Variants in WASF1 observed in about 807,000 individuals in gnomAD.
The protein encoded by WASF1 is actin-binding protein WASF1.
In WASF1, 7 loss-of-function variants were observed where a neutral mutation model predicts 50.5. The observed-to-expected ratio is 0.14, with a 90% confidence interval of 0.08 to 0.26. The LOEUF is 0.26. WASF1 is among the 10% of genes least tolerant of loss of function. The probability of loss-of-function intolerance (pLI) is 1.00; values close to 1 mark genes in which losing one functional copy is unlikely to be tolerated. For synonymous variants in WASF1, 205 were observed against 244.0 expected, an observed-to-expected ratio of 0.84 and a Z score of 1.49; for missense variants, 470 against 694.7, an observed-to-expected ratio of 0.68 and a Z score of 3.64.
At chr6:110,133,911 G>T (rs1350550488) in intron 3 of WASF1, among the ~76,000 whole-genome samples, 1 of 152,046 alleles carries the variant, frequency 6.6e-6, no homozygotes, top group Admixed American at 6.6e-5. Flanking sequence ...TTGTTTTTGG[G>T]TTCTTGGTCA....
At chr6:110,168,923 T>C (rs937341720) in intron 2 of WASF1, among the ~76,000 whole-genome samples, 1 of 152,090 alleles carries the variant, frequency 6.6e-6, no homozygotes, top group African/African-American at 2.4e-5. Flanking sequence ...AACACACTTT[T>C]GCTTTGCTTC....
chr6:110,113,465 G>A lies in WASF1; in HGVS notation c.134-5C>T. The A allele has an allele frequency of 6.3e-7, 1 of 1,580,286 alleles. No individual in the cohort carries two copies. Among genetic ancestry groups the A allele is most frequent in the Admixed American group, 1.9e-5 (1 of 53,054 alleles). On this transcript the variant is annotated splice_region_variant and splice_polypyrimidine_tract_variant and intron_variant, in intron 4 of 10. Coordinates refer to ENST00000392589, the MANE Select transcript of WASF1 (RefSeq NM_003931.3). ...ATATATCTTCAGCATATTTACCTAA[G>A]CAAAAATGACACATATATCATAAAA...
intron 3 of WASF1, among the ~76,000 whole-genome samples, chr6:110,133,673 G>A (rs1030526149): frequency 1.3e-5 from 2 of 151,994 alleles, no homozygotes; most frequent in Non-Finnish European, 2.9e-5. Flanking sequence ...TTGGCCACTC[G>A]TATATCTTCT....
chr6:110,159,289 G>A (rs1281237771), intron 3 of WASF1, among the ~76,000 whole-genome samples: 1 of 151,704 alleles, frequency 6.6e-6, no homozygotes, highest in South Asian at 2.1e-4. Context: ...CCTGCATTTG[G>A]AAAAAACACA....
At chr6:110,119,373 C>T (rs1432839907) in intron 4 of WASF1, among the ~76,000 whole-genome samples, 2 of 151,972 alleles carry the variant, frequency 1.3e-5, no homozygotes, top group African/African-American at 2.4e-5. Flanking sequence ...TGCCAATCCC[C>T]CAGAAATACA....
At chr6:110,140,462 T>TG (rs1775176781) in intron 3 of WASF1, among the ~76,000 whole-genome samples, 1 of 152,056 alleles carries the variant, frequency 6.6e-6, no homozygotes, top group Non-Finnish European at 1.5e-5. Flanking sequence ...CAACTTGAAG[T>TG]GGGTAGGAAC....
chr6:110,165,091 G>A (rs1037112821), intron 2 of WASF1, among the ~76,000 whole-genome samples: 18 of 151,518 alleles, frequency 1.2e-4, no homozygotes, highest in Non-Finnish European at 2.2e-4. Context: ...AAACTATTCT[G>A]TATCATACTA....
intron 9 of WASF1, 68 bp downstream of exon 9, chr6:110,103,310 A>C (rs1018494280): frequency 1.3e-6 from 2 of 1,530,078 alleles, no homozygotes; most frequent in Admixed American, 3.8e-5. Context: ...AATACTTACT[A>C]TATCGTCCTT....
intron 4 of WASF1, among the ~76,000 whole-genome samples, chr6:110,124,977 T>C (rs140511911): frequency 1.1e-4 from 17 of 152,294 alleles, no homozygotes; most frequent in Non-Finnish European, 2.1e-4. Context: ...CCCTGAGCCA[T>C]GTGGATCCCT....
intron 2 of WASF1, among the ~76,000 whole-genome samples, chr6:110,163,278 G>T (rs969406777): frequency 1.3e-5 from 2 of 151,588 alleles, no homozygotes; most frequent in African/African-American, 2.4e-5. Flanking sequence ...CTTATTTGGG[G>T]CTGCTATAAT....
chr6:110,163,455 A>T (rs1402443504), intron 2 of WASF1, among the ~76,000 whole-genome samples: 1 of 151,438 alleles, frequency 6.6e-6, no homozygotes, highest in African/African-American at 2.4e-5. Context: ...AAAGCTCGAG[A>T]GAGTGCTATG....
rs561226826 is a variant in WASF1, at chr6:110,108,700, A to T, written c.269-19T>A. The stretch of plus-strand genomic sequence containing the variant: ...AAAGACACTAAAACAAAAATCAAGA[A>T]TTCATTTTATTTTATTTTACTAAGA... On this transcript the variant is annotated intron_variant, in intron 5 of 10. Coordinates refer to ENST00000392589, the MANE Select transcript of WASF1 (RefSeq NM_003931.3). The T allele has an allele frequency of 1.4e-5, 23 of 1,600,600 alleles. 1 individual carries two copies. The South Asian group carries it at 2.4e-4, about 17-fold the overall frequency.
At chr6:110,178,521 A>T (rs1777033723) in intron 2 of WASF1, 77 bp downstream of exon 2, 1 of 152,638 alleles carries the variant, frequency 6.6e-6, no homozygotes, top group Non-Finnish European at 1.5e-5. Flanking sequence ...AACACCAAAG[A>T]AAAAATTTAA....
At chr6:110,116,179 T>C (rs533827420) in intron 4 of WASF1, among the ~76,000 whole-genome samples, 12 of 152,178 alleles carry the variant, frequency 7.9e-5, no homozygotes, top group African/African-American at 2.6e-4. Context: ...TTAGGACTGG[T>C]TGGACAGTGG....
At chr6:110,113,500 C>A in intron 4 of WASF1, 40 bp from the exon 5 acceptor site, 1 of 1,529,486 alleles carries the variant, frequency 6.5e-7, no homozygotes, top group Admixed American at 2.1e-5. Flanking sequence ...ATTTAACATC[C>A]AGAGCACTGA....
chr6:110,123,629 A>C (rs1266552855), intron 4 of WASF1, among the ~76,000 whole-genome samples: 1 of 152,232 alleles, frequency 6.6e-6, no homozygotes, highest in East Asian at 1.9e-4. Context: ...CCTCATACAG[A>C]GGAGCCCAAT....
chr6:110,142,782 A>G (rs1341223787), intron 3 of WASF1, among the ~76,000 whole-genome samples: 1 of 152,084 alleles, frequency 6.6e-6, no homozygotes, highest in Non-Finnish European at 1.5e-5. Flanking sequence ...AATTACATAT[A>G]ATTTAACATC....
At chr6:110,103,290 G>C in intron 9 of WASF1, 88 bp downstream of exon 9, 5 of 1,459,720 alleles carry the variant, frequency 3.4e-6, no homozygotes, top group Non-Finnish European at 4.6e-6. Context: ...TGTAAGGCCC[G>C]AAAGCCAAAA....
At chr6:110,164,340 T>C (rs1380590123) in intron 2 of WASF1, among the ~76,000 whole-genome samples, 1 of 151,592 alleles carries the variant, frequency 6.6e-6, no homozygotes, top group Non-Finnish European at 1.5e-5. Context: ...AAAAAACTCT[T>C]GAAATTCAAC....
Sources: gnomAD v4.1 joint callset for allele counts (sites outside exome capture counted in the v4.1 genomes callset) on GRCh38, gnomAD v4.1.1 for gene constraint, MANE v1.5 for transcripts, NCBI Gene and HGNC (gene_info 2026-07-23, HGNC 2026-07-21) for gene names.